Variants in SNRNP70 observed in about 807,000 individuals in gnomAD.
The protein encoded by SNRNP70 is small nuclear ribonucleoprotein U1 subunit 70.
In SNRNP70, 8 loss-of-function variants were observed where a neutral mutation model predicts 50.5. The observed-to-expected ratio is 0.16, with a 90% CI of 0.09 to 0.29. SNRNP70 has a LOEUF of 0.29. SNRNP70 is among the 10% of genes least tolerant of loss of function. The pLI, the probability that SNRNP70 is intolerant of heterozygous loss-of-function variation, is 1.00. For missense variants in SNRNP70, 529 were observed against 663.5 expected (o/e 0.80, Z 2.23); for synonymous variants, 320 against 252.9 (o/e 1.27, Z -2.52).
chr19:49,088,199 CT>C (rs34075997), intron 2 of SNRNP70, among the ~76,000 whole-genome samples: 25,441 of 94,642 alleles, frequency 0.27, 2,013 homozygotes, highest in South Asian at 0.35. Context: ...GAGCCAGGTA[CT>C]TTTTTTTTTT....
At chr19:49,092,663 C>A (rs985340897) in intron 4 of SNRNP70, among the ~76,000 whole-genome samples, 3 of 152,166 alleles carry the variant, frequency 2.0e-5, no homozygotes, top group Non-Finnish European at 4.4e-5. Flanking sequence ...CCTGCTTCAG[C>A]CTCCCAAAGT....
intron 2 of SNRNP70, among the ~76,000 whole-genome samples, chr19:49,086,763 A>C (rs1167223916): frequency 6.6e-6 from 1 of 152,004 alleles, no homozygotes; most frequent in Non-Finnish European, 1.5e-5. Flanking sequence ...TCAGCTACTC[A>C]GGAGGCTGAG....
At chr19:49,095,877 A>G (rs2040506437) in intron 4 of SNRNP70, among the ~76,000 whole-genome samples, 2 of 151,414 alleles carry the variant, frequency 1.3e-5, no homozygotes, top group South Asian at 2.1e-4. Flanking sequence ...TAGCATTTCC[A>G]GGCACATAGT....
chr19:49,104,382 G>A lies in SNRNP70; in HGVS notation c.476-252G>A, dbSNP rs560811128. On this transcript the variant is annotated intron_variant, in intron 7 of 9. Coordinates refer to ENST00000598441, the MANE Select transcript of SNRNP70 (RefSeq NM_003089.6). This position sits in a 1 kb window ranked among gnomAD's most constrained non-coding sequence, Gnocchi z 5.4. ...AGGGCCGGGGAGCCTAGGGGGTGGC[G>A]GGTGAGGGTGGACGTCTCCCCCGAC... The A allele has an allele frequency of 6.4e-4, 296 of 464,066 alleles. No homozygotes were observed. Among genetic ancestry groups the A allele is most frequent in the Middle Eastern group, 2.7e-3 (7 of 2,628 alleles). The allele number at this position is 464,066 out of a possible 1,614,324, so 28.7% of individuals were successfully genotyped here.
rs1258040653 is a variant in SNRNP70, at chr19:49,104,262, C to A, written c.476-372C>A. 6 of 194,128 alleles carry A rather than the reference C, an allele frequency of 3.1e-5. No individual in the cohort carries two copies. The highest frequency in any genetic ancestry group is 3.2e-5 in the Non-Finnish European group (3 of 94,356). 12.0% of individuals were successfully genotyped at this position (194,128 alleles called of 1,614,324 possible). A position where few individuals can be genotyped will look rare whatever the true frequency, so the allele number is the denominator to read the frequency against. Reference sequence around the variant, plus strand: ...GGGGTTGTGGAGGAGCCCCCTCCCCCACAGCAGAGTCCAGCGTGGAGTTAA... The same window carrying A: ...GGGGTTGTGGAGGAGCCCCCTCCCCAACAGCAGAGTCCAGCGTGGAGTTAA... On this transcript the variant is annotated intron_variant, in intron 7 of 9. Transcript: ENST00000598441. The surrounding 1 kb of genome is among the most constrained non-coding windows in gnomAD (Gnocchi z 5.4).
At chr19:49,096,980 A>G (rs1466349697) in intron 4 of SNRNP70, among the ~76,000 whole-genome samples, 1 of 151,406 alleles carries the variant, frequency 6.6e-6, no homozygotes, top group African/African-American at 2.4e-5. Context: ...CAATACAAAA[A>G]TTAGCTGGAT....
Position 49,085,471 on chromosome 19 carries a change from C to T in SNRNP70, c.-176C>T. Reference sequence around the variant, plus strand: ...GCTCCAGTCGCTATCGGAGGCCGCGCGGGTGGCTGAGCAGCGGCCTGGTGC... The same window carrying T: ...GCTCCAGTCGCTATCGGAGGCCGCGTGGGTGGCTGAGCAGCGGCCTGGTGC... On this transcript the variant is annotated 5_prime_UTR_variant, in exon 1 of 10. Transcript: ENST00000598441. 2.3e-6 allele frequency: 1 copy of T among 436,722 alleles called. No homozygotes were observed. The highest frequency in any genetic ancestry group is 7.3e-5 in the East Asian group (1 of 13,732). The allele number at this position is 436,722 out of a possible 1,614,324, so 27.1% of individuals were successfully genotyped here.
At chr19:49,090,679 T>C (rs1568417870) in intron 4 of SNRNP70, 159 bp downstream of exon 4, 3 of 708,660 alleles carry the variant, frequency 4.2e-6, no homozygotes, top group East Asian at 5.5e-5. Context: ...AAGCACTGTT[T>C]TTGGTTTAGG....
At chr19:49,094,687 C>A (rs1285293572) in intron 4 of SNRNP70, among the ~76,000 whole-genome samples, 1 of 152,184 alleles carries the variant, frequency 6.6e-6, no homozygotes, top group Non-Finnish European at 1.5e-5. Flanking sequence ...TGAGAGCCTC[C>A]ACTCATAGCT....
chr19:49,085,609 G>C lies in SNRNP70; in HGVS notation c.-38G>C, dbSNP rs1348010977. 1.5e-5 allele frequency: 7 copies of C among 456,110 alleles called. No individual in the cohort carries two copies. The highest frequency in any genetic ancestry group is 1.1e-4 in the South Asian group (7 of 64,562). The allele number at this position is 456,110 out of a possible 1,614,324, so 28.3% of individuals were successfully genotyped here. A position where few individuals can be genotyped will look rare whatever the true frequency, so the allele number is the denominator to read the frequency against. On this transcript the variant is annotated 5_prime_UTR_variant, in exon 1 of 10. Coordinates refer to ENST00000598441, the MANE Select transcript of SNRNP70 (RefSeq NM_003089.6). ...CGCAGCCGCCGCGAGCCTCCGGACAGACGCCAGAGCGAGGAGGGCGCTACG... is the reference window on the plus strand; with the variant it reads ...CGCAGCCGCCGCGAGCCTCCGGACACACGCCAGAGCGAGGAGGGCGCTACG...
intron 7 of SNRNP70, chr19:49,102,194 C>G (rs1271613238): frequency 1.6e-5 from 20 of 1,288,678 alleles, no homozygotes; most frequent in Non-Finnish European, 5.1e-6. Flanking sequence ...GGGTTTGTAT[C>G]ATGGGTAAGA....
chr19:49,086,551 G>C lies in SNRNP70; in HGVS notation c.137G>C (p.Arg46Pro), dbSNP rs754827560. ...TATTGTGGCATTGCGCCGTACATTC[G>C]AGAGTTTGAGGTGAGTTCACTGAGC... Reference protein sequence around the residue: ...QPYCGIAPYIREFEDPRDAPP... With the variant: ...QPYCGIAPYIPEFEDPRDAPP... The change falls in exon 2 of 10, where the codon CGA becomes CCA. Residue 46 changes from arginine (R) to proline (P), a missense_variant. By Grantham distance (103) the Arg-to-Pro change is moderately radical. Around this residue, in one of 4 missense-constraint regions of SNRNP70, gnomAD observed 149 missense variants for 259.7 expected, o/e 0.57. Coordinates refer to ENST00000598441, the MANE Select transcript of SNRNP70 (RefSeq NM_003089.6). 4.3e-6 allele frequency: 7 copies of C among 1,613,894 alleles called. No individual in the cohort carries two copies. In the Admixed American group the frequency reaches 1.2e-4, roughly 27 times the overall value.
rs1369980289 is a variant in SNRNP70, at chr19:49,090,283, G to C, written c.148-8G>C. 1 of 1,613,362 alleles carries C rather than the reference G, an allele frequency of 6.2e-7. No homozygotes were observed. Among genetic ancestry groups the C allele is most frequent in the Non-Finnish European group, 8.5e-7 (1 of 1,179,810 alleles). On this transcript the variant is annotated splice_polypyrimidine_tract_variant and splice_region_variant and intron_variant, in intron 2 of 9. Coordinates refer to ENST00000598441, the MANE Select transcript of SNRNP70 (RefSeq NM_003089.6). ...TTCCCACCCTGTCACCTCTCTTCTT[G>C]TTCCCAGGACCCTCGAGATGCCCCT...
At chr19:49,096,052 T>C (rs1267070516) in intron 4 of SNRNP70, among the ~76,000 whole-genome samples, 2 of 149,934 alleles carry the variant, frequency 1.3e-5, no homozygotes, top group African/African-American at 2.4e-5. Context: ...GGATAAGGTA[T>C]GGCAAGGAAC....
At chr19:49,099,123 ATCT>A (rs780090241) in intron 6 of SNRNP70, among the ~76,000 whole-genome samples, 58 of 152,218 alleles carry the variant, frequency 3.8e-4, no homozygotes, top group Admixed American at 8.5e-4. Context: ...TGTTTTACCA[ATCT>A]TCTTTTAAGT....
chr19:49,108,282 A>G lies in SNRNP70; in HGVS notation c.1153A>G (p.Ser385Gly), dbSNP rs1384650993. 5 of 1,565,258 alleles carry G rather than the reference A, an allele frequency of 3.2e-6. No individual in the cohort carries two copies. Among genetic ancestry groups the G allele is most frequent in the Non-Finnish European group, 4.3e-6 (5 of 1,155,896 alleles). Reference protein sequence around the residue: ...DREHKRGERGSERGRDEARGG... With the variant: ...DREHKRGERGGERGRDEARGG... ...CGAGCACAAACGGGGGGAGCGGGGC[A>G]GTGAGCGGGGCAGGGATGAGGCCCG... is the stretch of plus-strand genomic sequence containing the variant. Residue 385 changes from serine (S) to glycine (G), a missense_variant, in exon 10 of 10, where the codon AGT (serine) becomes GGT (glycine). Ser to Gly is a moderately conservative substitution (Grantham distance 56). Around this residue, in one of 4 missense-constraint regions of SNRNP70, gnomAD observed 327 missense variants for 308.8 expected, o/e 1.06. Transcript: ENST00000598441.
intron 6 of SNRNP70, among the ~76,000 whole-genome samples, chr19:49,100,910 AC>A (rs1401153961): frequency 6.6e-6 from 1 of 151,036 alleles, no homozygotes; most frequent in Non-Finnish European, 1.5e-5. Flanking sequence ...TAGACCACCC[AC>A]ATTGGCCCTT....
intron 2 of SNRNP70, among the ~76,000 whole-genome samples, chr19:49,089,376 A>G (rs974124645): frequency 2.4e-4 from 36 of 152,114 alleles, no homozygotes; most frequent in African/African-American, 7.9e-4. Flanking sequence ...CAGGGGGGAA[A>G]GCAGGGCTTA....
chr19:49,098,774 G>A, intron 6 of SNRNP70, 70 bp downstream of exon 6: 1 of 1,278,882 alleles, frequency 7.8e-7, no homozygotes, highest in Non-Finnish European at 1.1e-6. Flanking sequence ...GAGAGGGAGG[G>A]AGAGAGGTCC....
Sources: gnomAD v4.1 joint callset for allele counts (sites outside exome capture counted in the v4.1 genomes callset) on GRCh38, gnomAD v4.1.1 for gene constraint, gnomAD v4.1.1 regional missense constraint, Gnocchi (gnomAD v3.1) non-coding constraint, MANE v1.5 for transcripts, NCBI Gene and HGNC (gene_info 2026-07-23, HGNC 2026-07-21) for gene names.